KCNIP4: variants seen among roughly 807,000 people sequenced by gnomAD.
KCNIP4 encodes the protein potassium voltage-gated channel interacting protein 4.
A neutral mutation model predicts 34.0 loss-of-function variants in KCNIP4; 12 were observed. That is an observed-to-expected ratio of 0.35 (90% CI 0.23 to 0.57). The LOEUF is 0.57. Ranked by LOEUF, KCNIP4 falls within the 20% of genes least tolerant of loss-of-function variation. The pLI, the probability that KCNIP4 is intolerant of heterozygous loss-of-function variation, is 0.83. For missense variants in KCNIP4, 238 were observed against 311.7 expected (o/e 0.76, Z 1.78); for synonymous variants, 124 against 102.2 (o/e 1.21, Z -1.29).
At chr4:21,705,623 G>A (rs1378765665) in intron 1 of KCNIP4, among the ~76,000 whole-genome samples, 1 of 152,100 alleles carries the variant, frequency 6.6e-6, no homozygotes, top group Non-Finnish European at 1.5e-5. Flanking sequence ...CACTGAGCAT[G>A]TCGAATGGAG....
intron 1 of KCNIP4, among the ~76,000 whole-genome samples, chr4:21,024,230 C>T (rs976150118): frequency 2.2e-4 from 34 of 152,130 alleles, no homozygotes; most frequent in African/African-American, 7.2e-4. Flanking sequence ...TCCCTTGCGA[C>T]GTCATTAGCT....
chr4:21,468,451 G>C (rs952717456), intron 1 of KCNIP4, among the ~76,000 whole-genome samples: 12 of 152,140 alleles, frequency 7.9e-5, no homozygotes, highest in African/African-American at 2.7e-4. Flanking sequence ...AAGAGAAAAT[G>C]AGGTAAGTTG....
At chr4:21,172,038 T>A (rs900998361) in intron 1 of KCNIP4, among the ~76,000 whole-genome samples, 1 of 152,152 alleles carries the variant, frequency 6.6e-6, no homozygotes, top group Non-Finnish European at 1.5e-5. Context: ...TTTGTTTTGT[T>A]TTGTTTTGAG....
intron 1 of KCNIP4, among the ~76,000 whole-genome samples, chr4:21,155,166 A>C (rs2109258704): frequency 6.6e-6 from 1 of 152,334 alleles, no homozygotes; most frequent in African/African-American, 2.4e-5. Flanking sequence ...ATGACAGCAG[A>C]GCTGGCATGC....
intron 2 of KCNIP4, among the ~76,000 whole-genome samples, chr4:20,873,163 G>T (rs1243658626): frequency 6.6e-6 from 1 of 152,082 alleles, no homozygotes; most frequent in African/African-American, 2.4e-5. Flanking sequence ...TCTCTTGTAG[G>T]CAGGGCAGTC....
chr4:20,803,570 A>T (rs1258959447), intron 3 of KCNIP4, among the ~76,000 whole-genome samples: 1 of 148,020 alleles, frequency 6.8e-6, no homozygotes, highest in Non-Finnish European at 1.5e-5. Flanking sequence ...GGTTGGGAGG[A>T]TCACTTGAGC....
chr4:20,744,162 G>A (rs917006129), intron 5 of KCNIP4, among the ~76,000 whole-genome samples: 1 of 152,108 alleles, frequency 6.6e-6, no homozygotes, highest in African/African-American at 2.4e-5. Flanking sequence ...TGCACTGTTG[G>A]TGGGACTGTA....
intron 1 of KCNIP4, among the ~76,000 whole-genome samples, chr4:21,134,103 C>A (rs1474281668): frequency 6.6e-6 from 1 of 152,108 alleles, no homozygotes; most frequent in East Asian, 1.9e-4. Context: ...TCTGAGGTCT[C>A]CCCAGACCAC....
At chr4:21,288,534 G>C (rs952967482) in intron 1 of KCNIP4, among the ~76,000 whole-genome samples, 6 of 152,156 alleles carry the variant, frequency 3.9e-5, no homozygotes, top group Non-Finnish European at 5.9e-5. Flanking sequence ...CACTGCAGGT[G>C]CTTTATATAT....
At position 21,948,645 on chromosome 4, in the gene KCNIP4, G is replaced by C. The variant is rs1172726948; in HGVS notation, c.-14C>G. 3 of 1,610,374 alleles carry C rather than the reference G, an allele frequency of 1.9e-6. No homozygotes were observed. Among genetic ancestry groups the C allele is most frequent in the African/African-American group, 2.7e-5 (2 of 74,892 alleles). ...CCTCACATTCATGTCTAGGGACGCA[G>C]GGTGCAGAAGCGAGACTCGAGAGTC... On this transcript the variant is annotated 5_prime_UTR_variant, in exon 1 of 9. Transcript: ENST00000382152.
intron 1 of KCNIP4, among the ~76,000 whole-genome samples, chr4:21,869,897 G>A (rs1560776406): frequency 6.6e-6 from 1 of 152,136 alleles, no homozygotes; most frequent in Non-Finnish European, 1.5e-5. Flanking sequence ...GCAATGAGGT[G>A]TCTGAGAGAT....
At chr4:21,709,331 G>A (rs546333983) in intron 1 of KCNIP4, among the ~76,000 whole-genome samples, 13 of 152,274 alleles carry the variant, frequency 8.5e-5, no homozygotes, top group East Asian at 3.9e-4. Flanking sequence ...ATGACGTTAA[G>A]ATACAAACTG....
At chr4:21,782,113 A>G (rs894003443) in intron 1 of KCNIP4, among the ~76,000 whole-genome samples, 7 of 152,250 alleles carry the variant, frequency 4.6e-5, no homozygotes, top group African/African-American at 9.6e-5. Context: ...AACAACAATT[A>G]CATTAAATAC....
intron 1 of KCNIP4, among the ~76,000 whole-genome samples, chr4:21,838,526 T>C (rs1723482325): frequency 6.6e-6 from 1 of 152,220 alleles, no homozygotes; most frequent in African/African-American, 2.4e-5. Context: ...TTCTATGTAT[T>C]CTGGTTACCC....
chr4:21,556,316 C>T (rs370109466), intron 1 of KCNIP4, among the ~76,000 whole-genome samples: 30 of 152,222 alleles, frequency 2.0e-4, no homozygotes, highest in African/African-American at 7.2e-4. Context: ...ATTCAGTTAA[C>T]ACTACATCCA....
intron 1 of KCNIP4, among the ~76,000 whole-genome samples, chr4:21,447,297 C>T (rs988500452): frequency 1.6e-4 from 24 of 152,052 alleles, no homozygotes; most frequent in African/African-American, 5.8e-4. Flanking sequence ...ATGCCAGCAG[C>T]CACCCAGAAA....
chr4:21,119,454 C>T (rs1400591893), intron 1 of KCNIP4, among the ~76,000 whole-genome samples: 1 of 144,078 alleles, frequency 6.9e-6, no homozygotes, highest in Non-Finnish European at 1.5e-5. Flanking sequence ...GTCACACCAA[C>T]CCACAGACAT....
intron 1 of KCNIP4, among the ~76,000 whole-genome samples, chr4:21,624,293 A>C (rs980334930): frequency 6.6e-6 from 1 of 152,162 alleles, no homozygotes; most frequent in African/African-American, 2.4e-5. Context: ...TTTTCATAGC[A>C]TATATTCCAG....
intron 1 of KCNIP4, among the ~76,000 whole-genome samples, chr4:21,122,340 C>T (rs916902023): frequency 4.0e-5 from 6 of 150,946 alleles, no homozygotes; most frequent in Admixed American, 1.3e-4. Context: ...AGTGCGTATA[C>T]GTTTTGAAAA....
Sources: gnomAD v4.1 joint callset for allele counts (sites outside exome capture counted in the v4.1 genomes callset) on GRCh38, gnomAD v4.1.1 for gene constraint, MANE v1.5 for transcripts, NCBI Gene and HGNC (gene_info 2026-07-23, HGNC 2026-07-21) for gene names.